The following KALRN variants were observed in gnomAD, a reference collection of about 807,000 sequenced individuals.
The protein encoded by KALRN is kalirin.
Under a neutral mutation model 353.7 loss-of-function variants are expected in KALRN, and 70 were observed. The observed-to-expected ratio is 0.20, with a 90% CI of 0.16 to 0.24. KALRN has a LOEUF of 0.24. KALRN is among the 10% of genes least tolerant of loss of function. The pLI is 1.00. For synonymous variants in KALRN, 1,391 were observed against 1,434.8 expected (o/e 0.97, Z 0.69); for missense variants, 2,791 against 3,756.7 (o/e 0.74, Z 6.72).
At chr3:124,697,826 T>C in intron 55 of KALRN, 102 bp downstream of exon 55, 1 of 1,225,454 alleles carries the variant, frequency 8.2e-7, no homozygotes, top group Non-Finnish European at 1.1e-6. Flanking sequence ...ATGCTAACCA[T>C]TTTTTCAAAA....
intron 3 of KALRN, among the ~76,000 whole-genome samples, chr3:124,262,080 G>C (rs1198328901): frequency 6.6e-6 from 1 of 152,124 alleles, no homozygotes; most frequent in Non-Finnish European, 1.5e-5. Context: ...ACCAGTGCTG[G>C]TGAGGATACA....
In KALRN at chr3:124,495,987, A is replaced by G. The variant is rs868798211; in HGVS notation, c.4833-324A>G. On this transcript the variant is annotated intron_variant, in intron 32 of 59. Transcript: ENST00000682506. ...TATGTATATATATATATATATATAT[A>G]TATATATATATATATATATATATAT... Among the ~76,000 whole-genome samples the G allele has an allele frequency of 1.3e-3, 69 of 51,236 alleles. 9 individuals carry two copies. The highest frequency in any genetic ancestry group is 2.5e-3 in the East Asian group (3 of 1,188). 33.6% of individuals were successfully genotyped at this position (51,236 alleles called of 152,430 possible).
intron 1 of KALRN, among the ~76,000 whole-genome samples, chr3:124,220,483 C>G (rs1470037327): frequency 6.6e-6 from 1 of 151,952 alleles, no homozygotes; most frequent in Non-Finnish European, 1.5e-5. Flanking sequence ...CCCACTCTTG[C>G]CACCTCTCTC....
At chr3:124,348,116 C>T (rs759820553) in intron 10 of KALRN, among the ~76,000 whole-genome samples, 7 of 152,116 alleles carry the variant, frequency 4.6e-5, no homozygotes, top group Non-Finnish European at 1.0e-4. Context: ...TTTTATCAGG[C>T]GTGATTAGCT....
intron 33 of KALRN, among the ~76,000 whole-genome samples, chr3:124,548,693 G>A (rs774441408): frequency 6.6e-6 from 1 of 152,194 alleles, no homozygotes; most frequent in Non-Finnish European, 1.5e-5. Context: ...CACTCTTGTT[G>A]CCCAGGCTGG....
Position 124,411,433 on chromosome 3 carries a change from C to CTTTTTT in KALRN, c.2347-2014_2347-2009dup, listed in dbSNP as rs61485429. On this transcript the variant is annotated intron_variant, in intron 13 of 59. Transcript: ENST00000682506. ...AAGCCTATGTATACTTTAAATTATGCTTTTTTTTTTTTTTTTTTTTTTTTT... is the reference window on the plus strand; with the variant it reads ...AAGCCTATGTATACTTTAAATTATGCTTTTTTTTTTTTTTTTTTTTTTTTTTTTTTT... Among the ~76,000 whole-genome samples, 163 of 51,492 alleles carry CTTTTTT rather than the reference C, an allele frequency of 3.2e-3. 31 individuals carry two copies. The highest frequency in any genetic ancestry group is 8.3e-3 in the African/African-American group (132 of 15,940). The allele number at this position is 51,492 out of a possible 152,430, so 33.8% of individuals were successfully genotyped here.
At chr3:124,488,094 G>A in intron 28 of KALRN, 110 bp from the exon 29 acceptor site, 1 of 645,922 alleles carries the variant, frequency 1.5e-6, no homozygotes, top group East Asian at 2.7e-5. Flanking sequence ...ATAGCTCAGA[G>A]GGAACCATTA....
intron 51 of KALRN, among the ~76,000 whole-genome samples, chr3:124,683,034 C>G (rs1470564414): frequency 6.6e-6 from 1 of 151,976 alleles, no homozygotes; most frequent in Non-Finnish European, 1.5e-5. Flanking sequence ...CGAGTATCAT[C>G]CATAGTTCAG....
intron 1 of KALRN, among the ~76,000 whole-genome samples, chr3:124,111,371 T>G (rs1215598388): frequency 1.3e-5 from 2 of 152,210 alleles, no homozygotes; most frequent in Non-Finnish European, 2.9e-5. Flanking sequence ...GGCCATTATT[T>G]TGCCACCAAT....
At chr3:124,136,151 T>C (rs2065892960) in intron 1 of KALRN, among the ~76,000 whole-genome samples, 1 of 152,212 alleles carries the variant, frequency 6.6e-6, no homozygotes, top group African/African-American at 2.4e-5. Flanking sequence ...GCTCCCCAGC[T>C]TATTTTAATT....
chr3:124,145,759 A>G (rs1190670473), intron 1 of KALRN, among the ~76,000 whole-genome samples: 1 of 152,214 alleles, frequency 6.6e-6, no homozygotes, highest in African/African-American at 2.4e-5. Flanking sequence ...TTTCTGATGA[A>G]TGGGATTTTC....
At chr3:124,128,001 T>G (rs1054164758) in intron 1 of KALRN, among the ~76,000 whole-genome samples, 1 of 152,214 alleles carries the variant, frequency 6.6e-6, no homozygotes, top group African/African-American at 2.4e-5. Context: ...CATTATTTTG[T>G]GTCCCTTAAG....
chr3:124,500,565 T>C (rs1308828783), intron 33 of KALRN, among the ~76,000 whole-genome samples: 1 of 152,204 alleles, frequency 6.6e-6, no homozygotes. Context: ...GAGAAAACAG[T>C]CTAATATTCT....
chr3:124,153,776 C>T (rs563813659), intron 1 of KALRN, among the ~76,000 whole-genome samples: 1 of 151,880 alleles, frequency 6.6e-6, no homozygotes, highest in East Asian at 1.9e-4. Context: ...CTCTCCAGCA[C>T]CTGTTGTTTC....
At chr3:124,702,387 A>G (rs1031097772) in intron 57 of KALRN, among the ~76,000 whole-genome samples, 1 of 152,216 alleles carries the variant, frequency 6.6e-6, no homozygotes, top group Non-Finnish European at 1.5e-5. Context: ...TTTTAGCTAT[A>G]GGTCCTGAGT....
chr3:124,493,588 G>A (rs1333698107), intron 32 of KALRN, among the ~76,000 whole-genome samples: 1 of 152,108 alleles, frequency 6.6e-6, no homozygotes, highest in Non-Finnish European at 1.5e-5. Context: ...AAAAAAAAAT[G>A]GGGTTCTAGC....
At chr3:124,194,064 T>A (rs895432208) in intron 1 of KALRN, among the ~76,000 whole-genome samples, 37 of 152,182 alleles carry the variant, frequency 2.4e-4, no homozygotes, top group Non-Finnish European at 4.6e-4. Flanking sequence ...ACAGTAACCC[T>A]GGTATGGTGG....
chr3:124,347,849 G>T (rs2082434188), intron 10 of KALRN, among the ~76,000 whole-genome samples: 1 of 152,158 alleles, frequency 6.6e-6, no homozygotes, highest in Non-Finnish European at 1.5e-5. Flanking sequence ...TATTTAAACT[G>T]CCATTTATAT....
At position 124,368,321 on chromosome 3, in the gene KALRN, C is replaced by T. The variant is rs556001060; in HGVS notation, c.1771-16524C>T. ...CTTCCCAGATGGGGTGGCTGCCGGG[C>T]GGAGGGGCTCCTCATTTCTCAGACG... On this transcript the variant is annotated intron_variant, in intron 10 of 59. Coordinates refer to ENST00000682506, the MANE Select transcript of KALRN (RefSeq NM_001388419.1). Among the ~76,000 whole-genome samples the T allele has an allele frequency of 7.5e-4, 111 of 148,688 alleles. 3 individuals are homozygous for T. The East Asian group carries it at 0.01, about 14-fold the overall frequency.
Sources: gnomAD v4.1 joint callset for allele counts (sites outside exome capture counted in the v4.1 genomes callset) on GRCh38, gnomAD v4.1.1 for gene constraint, MANE v1.5 for transcripts, NCBI Gene and HGNC (gene_info 2026-07-23, HGNC 2026-07-21) for gene names.